Variants in SYNPO2L observed in about 807,000 individuals in gnomAD.
SYNPO2L encodes synaptopodin 2-like protein.
A neutral mutation model predicts 47.5 loss-of-function variants in SYNPO2L; 34 were observed. The ratio of observed to expected loss-of-function variants is 0.72; its 90% CI spans 0.54 to 0.95. The LOEUF is 0.95. Among genes scored for constraint, SYNPO2L ranks in the 40% least tolerant of loss-of-function variants. The pLI, the probability that SYNPO2L is intolerant of heterozygous loss-of-function variation, is 0.00. For synonymous variants in SYNPO2L, 536 were observed against 524.9 expected (o/e 1.02, Z -0.29); for missense variants, 1,246 against 1,282.0 (o/e 0.97, Z 0.43).
chr10:73,651,203 C>T (rs186390153), intron 3 of SYNPO2L, among the ~76,000 whole-genome samples: 229 of 152,296 alleles, frequency 1.5e-3, no homozygotes, highest in African/African-American at 5.2e-3. Context: ...CTTCCCTTCC[C>T]CCAACCCCAC....
intron 1 of SYNPO2L, among the ~76,000 whole-genome samples, chr10:73,655,020 G>A (rs866434557): frequency 1.4e-4 from 21 of 152,094 alleles, no homozygotes; most frequent in African/African-American, 4.8e-4. Context: ...CGGTATTCTG[G>A]GAGATTGTGA....
Position 73,648,061 on chromosome 10 carries a change from C to A in SYNPO2L, c.1591G>T (p.Val531Phe). 6.3e-7 allele frequency: 1 copy of A among 1,587,010 alleles called. No homozygotes were observed. The highest frequency in any genetic ancestry group is 8.6e-7 in the Non-Finnish European group (1 of 1,167,112). Reference sequence around the variant, plus strand: ...CGTGGGGTGCTGGGGGAACCAGAGACTGGCGCGTGGCTGGGAACCCCTGAA... The same window carrying A: ...CGTGGGGTGCTGGGGGAACCAGAGAATGGCGCGTGGCTGGGAACCCCTGAA... ...FTSGVPSHAPVSGSPSTPRSS... is the reference protein window; with the variant it reads ...FTSGVPSHAPFSGSPSTPRSS... The change falls in exon 4 of 4, where the codon GTC becomes TTC. Residue 531 changes from valine (V) to phenylalanine (F), a missense_variant. Physicochemically the swap from Val to Phe is conservative, Grantham distance 50. This residue lies in a region of SYNPO2L where 1,037 missense variants were observed against 1,021.5 expected (regional missense o/e 1.02). Coordinates refer to ENST00000394810, the MANE Select transcript of SYNPO2L (RefSeq NM_001114133.3).
chr10:73,647,702 G>A lies in SYNPO2L; in HGVS notation c.1950C>T (p.Pro650=), dbSNP rs781327981. ...GGTTCTGTACCAGCGATAGCAGCTCGGGGTTGGGCGAGTTCTTCGTCTCCT... is the reference window on the plus strand; with the variant it reads ...GGTTCTGTACCAGCGATAGCAGCTCAGGGTTGGGCGAGTTCTTCGTCTCCT... ...GKEETKNSPN[P]ELLSLVQNLD... The change falls in exon 4 of 4, where the codon CCC becomes CCT. Residue 650 remains proline, a synonymous_variant. Transcript: ENST00000394810. 2 of 1,614,140 alleles carry A rather than the reference G, an allele frequency of 1.2e-6. No individual in the cohort carries two copies. The highest frequency in any genetic ancestry group is 1.7e-5 in the Admixed American group (1 of 60,024).
Position 73,646,345 on chromosome 10 carries a change from G to C in SYNPO2L, c.*373C>G. 2 of 1,004,062 alleles carry C rather than the reference G, an allele frequency of 2.0e-6. No homozygotes were observed. Among genetic ancestry groups the C allele is most frequent in the Non-Finnish European group, 2.4e-6 (2 of 843,294 alleles). 62.2% of individuals were successfully genotyped at this position (1,004,062 alleles called of 1,614,324 possible). ...GGTGAGCTTCTTGCCTGAAGTCCCA[G>C]TGGTCACTTCTGCTCTGTTTACTTC... On this transcript the variant is annotated 3_prime_UTR_variant, in exon 4 of 4. Transcript: ENST00000394810.
Position 73,645,273 on chromosome 10 carries a change from C to T in SYNPO2L, c.*1445G>A. 1 of 1,088,622 alleles carries T rather than the reference C, an allele frequency of 9.2e-7. No homozygotes were observed. Among genetic ancestry groups the T allele is most frequent in the Non-Finnish European group, 1.1e-6 (1 of 885,940 alleles). 67.4% of individuals were successfully genotyped at this position (1,088,622 alleles called of 1,614,324 possible). ...CATTCCCTTCCATTCTAACATTCTTCTCCCTCAAATTTTTTTCCAATCCCC... is the reference window on the plus strand; with the variant it reads ...CATTCCCTTCCATTCTAACATTCTTTTCCCTCAAATTTTTTTCCAATCCCC... On this transcript the variant is annotated 3_prime_UTR_variant, in exon 4 of 4. Coordinates refer to ENST00000394810, the MANE Select transcript of SYNPO2L (RefSeq NM_001114133.3).
chr10:73,646,995 T>C lies in SYNPO2L; in HGVS notation c.2657A>G (p.Glu886Gly). 9 of 1,613,188 alleles carry C rather than the reference T, an allele frequency of 5.6e-6. No individual in the cohort carries two copies. The highest frequency in any genetic ancestry group is 5.9e-6 in the Non-Finnish European group (7 of 1,179,382). Residue 886 changes from glutamate (E) to glycine (G), a missense_variant, in exon 4 of 4, where the codon GAG (glutamate) becomes GGG (glycine). Coordinates refer to ENST00000394810, the MANE Select transcript of SYNPO2L (RefSeq NM_001114133.3). ...SGSPKTARVQEIRRFSTPAPQ... is the reference protein window; with the variant it reads ...SGSPKTARVQGIRRFSTPAPQ... ...TGCCGGAGTGGAAAACCGGCGAATC[T>C]CCTGGACTCGGGCAGTTTTGGGGGA...
In SYNPO2L at chr10:73,646,210, AC is replaced by A. The variant is rs2081747128; in HGVS notation, c.*507del. On this transcript the variant is annotated 3_prime_UTR_variant, in exon 4 of 4. Coordinates refer to ENST00000394810, the MANE Select transcript of SYNPO2L (RefSeq NM_001114133.3). ...CACACACACACACACACACACACAC[AC>A]ACACACAGGCCTAGGTATATGCCAG... The A allele has an allele frequency of 1.0e-6, 1 of 983,794 alleles. No individual in the cohort carries two copies. The highest frequency in any genetic ancestry group is 1.8e-5 in the African/African-American group (1 of 56,884). The allele number at this position is 983,794 out of a possible 1,614,324, so 60.9% of individuals were successfully genotyped here.
Position 73,648,057 on chromosome 10 carries a change from G to C in SYNPO2L, c.1595C>G (p.Ser532Cys), listed in dbSNP as rs760299945. Residue 532 changes from serine (S) to cysteine (C), a missense_variant, in exon 4 of 4, where the codon TCT becomes TGT. Coordinates refer to ENST00000394810, the MANE Select transcript of SYNPO2L (RefSeq NM_001114133.3). ...TSGVPSHAPVSGSPSTPRSSG... is the reference protein window; with the variant it reads ...TSGVPSHAPVCGSPSTPRSSG... ...GGAGCGTGGGGTGCTGGGGGAACCAGAGACTGGCGCGTGGCTGGGAACCCC... is the reference window on the plus strand; with the variant it reads ...GGAGCGTGGGGTGCTGGGGGAACCACAGACTGGCGCGTGGCTGGGAACCCC... 3.1e-5 allele frequency: 49 copies of C among 1,589,248 alleles called. No homozygotes were observed. The highest frequency in any genetic ancestry group is 4.0e-5 in the Non-Finnish European group (47 of 1,168,122).
At chr10:73,649,800 C>G (rs1277253181) in intron 3 of SYNPO2L, 2 of 985,308 alleles carry the variant, frequency 2.0e-6, no homozygotes, top group African/African-American at 3.5e-5. Context: ...CTTCACACCC[C>G]TGCTACTCAC....
rs149246701 is a variant in SYNPO2L, at chr10:73,645,855, C to T, written c.*863G>A. The T allele has an allele frequency of 1.0e-3, 985 of 985,892 alleles. 6 individuals carry two copies. The African/African-American group carries it at 0.015, about 15-fold the overall frequency. 61.1% of individuals were successfully genotyped at this position (985,892 alleles called of 1,614,324 possible). On this transcript the variant is annotated 3_prime_UTR_variant, in exon 4 of 4. Transcript: ENST00000394810. ...GTTTGTTTGTTTTGAGACAGAGTCT[C>T]GCTCCGTCGCCCAGGCTGGAGTGCA...
chr10:73,653,896 G>A, intron 2 of SYNPO2L: 1 of 733,648 alleles, frequency 1.4e-6, no homozygotes. Context: ...GAGGAAACAG[G>A]CCAGGGGTTG....
Position 73,653,453 on chromosome 10 carries a change from T to C in SYNPO2L, c.458A>G (p.Lys153Arg). The C allele has an allele frequency of 6.4e-7, 1 of 1,551,516 alleles. No individual in the cohort carries two copies. Among genetic ancestry groups the C allele is most frequent in the South Asian group, 1.2e-5 (1 of 84,054 alleles). ...GCCTCGGCGGCGAGGTCGACGGGGC[T>C]TCTCCTGGGTGGCAGGGCCATCAGC... ...SDADGPATQE[K>R]PRRPRRRGPT... The change falls in exon 3 of 4, where the codon AAG (lysine) becomes AGG (arginine). Residue 153 changes from lysine (K) to arginine (R), a missense_variant. Coordinates refer to ENST00000394810, the MANE Select transcript of SYNPO2L (RefSeq NM_001114133.3).
chr10:73,648,517 GCCCTC>G lies in SYNPO2L; in HGVS notation c.1130_1134del (p.Gly377AlafsTer4), dbSNP rs1554959926. Reference sequence around the variant, plus strand: ...CCTCGCCCAGAGACCTCACTCAGCTGCCCTCCCAGCCCAGAGCCCTGGCCCTCTGA... The same window carrying G: ...CCTCGCCCAGAGACCTCACTCAGCTGCCAGCCCAGAGCCCTGGCCCTCTGA... On this transcript the variant is annotated frameshift_variant, in exon 4 of 4. Transcript: ENST00000394810. LOFTEE classifies it low-confidence loss of function (END_TRUNC). 1 of 1,614,006 alleles carries G rather than the reference GCCCTC, an allele frequency of 6.2e-7. No homozygotes were observed. The highest frequency in any genetic ancestry group is 8.5e-7 in the Non-Finnish European group (1 of 1,179,986).
Position 73,647,799 on chromosome 10 carries a change from G to C in SYNPO2L, c.1853C>G (p.Ala618Gly). ...CTCCTGCAGGATACCCGTGCGGGCA[G>C]CTGGCACAGAGATGCGCTGCTCGCG... is the stretch of plus-strand genomic sequence containing the variant. ...SAREQRISVP[A>G]ARTGILQEAR... Residue 618 changes from alanine to glycine, a missense_variant, in exon 4 of 4, where the codon GCT becomes GGT. This residue lies in a region of SYNPO2L where 1,037 missense variants were observed against 1,021.5 expected (regional missense o/e 1.02). Coordinates refer to ENST00000394810, the MANE Select transcript of SYNPO2L (RefSeq NM_001114133.3). The C allele has an allele frequency of 6.2e-7, 1 of 1,609,822 alleles. No individual in the cohort carries two copies.
rs1434310812 is a variant in SYNPO2L, at chr10:73,648,053, A to T, written c.1599T>A (p.Gly533=). 2 of 1,589,586 alleles carry T rather than the reference A, an allele frequency of 1.3e-6. No homozygotes were observed. The highest frequency in any genetic ancestry group is 1.8e-5 in the Admixed American group (1 of 56,722). ...CCGAGGAGCGTGGGGTGCTGGGGGA[A>T]CCAGAGACTGGCGCGTGGCTGGGAA... ...SGVPSHAPVS[G]SPSTPRSSGP... is the part of the protein sequence containing the mutation. The change falls in exon 4 of 4, where the codon GGT becomes GGA. Residue 533 remains glycine (G), a synonymous_variant. Transcript: ENST00000394810.
rs758683276 is a variant in SYNPO2L at position 73,648,875 on chromosome 10, C to T, written c.777G>A (p.Leu259=). ...TYTQKAKQAK[L]QRAESLQEKS... ...TCTCTTGGAGGCTCTCTGCACGTTGCAGTTCTGGGGAGGCCAAGAGGTAAA... is the reference window on the plus strand; with the variant it reads ...TCTCTTGGAGGCTCTCTGCACGTTGTAGTTCTGGGGAGGCCAAGAGGTAAA... Residue 259 remains leucine (L), a synonymous_variant, in exon 4 of 4, where the codon CTG becomes CTA. Transcript: ENST00000394810. 8.6e-6 allele frequency: 13 copies of T among 1,513,678 alleles called. No homozygotes were observed. Among genetic ancestry groups the T allele is most frequent in the East Asian group, 2.3e-5 (1 of 43,934 alleles). The allele number at this position is 1,513,678 out of a possible 1,614,324, so 93.8% of individuals were successfully genotyped here.
rs1444385940 is a variant in SYNPO2L, at chr10:73,653,960, T to C, written c.257+169A>G. The C allele has an allele frequency of 4.4e-6, 4 of 908,968 alleles. No homozygotes were observed. The African/African-American group carries it at 5.1e-5, about 12-fold the overall frequency. The allele number at this position is 908,968 out of a possible 1,614,324, so 56.3% of individuals were successfully genotyped here. On this transcript the variant is annotated intron_variant, in intron 2 of 3. Transcript: ENST00000394810. ...GACATCCCCATCCCTTAATTGCAGA[T>C]ACATTCAAGCCCTCTGGGAGGCAGA...
chr10:73,653,904 T>A, intron 2 of SYNPO2L: 1 of 733,200 alleles, frequency 1.4e-6, no homozygotes, highest in Non-Finnish European at 2.2e-6. Context: ...AGGCCAGGGG[T>A]TGAAGTAGGC....
In SYNPO2L at chr10:73,648,546, G is replaced by A; in HGVS notation, c.1106C>T (p.Ser369Leu). 6.2e-7 allele frequency: 1 copy of A among 1,614,168 alleles called. No individual in the cohort carries two copies. Among genetic ancestry groups the A allele is most frequent in the Non-Finnish European group, 8.5e-7 (1 of 1,180,016 alleles). Residue 369 changes from serine to leucine, a missense_variant, in exon 4 of 4, where the codon TCA becomes TTA. Physicochemically the swap from Ser to Leu is moderately radical, Grantham distance 145. This residue lies in a region of SYNPO2L where 1,037 missense variants were observed against 1,021.5 expected (regional missense o/e 1.02). Coordinates refer to ENST00000394810, the MANE Select transcript of SYNPO2L (RefSeq NM_001114133.3). ...MELARAGSRA[S>L]EGQGSGLGGQ... ...TCCCAGCCCAGAGCCCTGGCCCTCT[G>A]ATGCTCTTGAGCCCGCCCTGGCAAG...
Sources: allele counts gnomAD v4.1 joint callset (sites outside exome capture counted in the v4.1 genomes callset), GRCh38; gene constraint gnomAD v4.1.1; regional missense constraint gnomAD v4.1.1; transcripts MANE v1.5; gene names NCBI Gene and HGNC (gene_info 2026-07-23, HGNC 2026-07-21).